The following MGST1 variants were observed in gnomAD, a reference collection of about 807,000 sequenced individuals.
The protein encoded by MGST1 is microsomal glutathione S-transferase 1.
Under a neutral mutation model 8.9 loss-of-function variants are expected in MGST1, and 5 were observed. That is an observed-to-expected ratio of 0.56 (90% CI 0.29 to 1.19). The LOEUF (loss-of-function observed/expected upper bound fraction) is 1.19, where lower values mean the gene tolerates loss of function less well. MGST1 is among the 50% of genes most tolerant of loss of function. The pLI is 0.08. For missense variants in MGST1, 182 were observed against 187.4 expected (o/e 0.97, Z 0.17); for synonymous variants, 54 against 67.8 (o/e 0.80, Z 1.00).
chr12:16,513,093 A>G lies in MGST1; in HGVS notation n.483-76435A>G, dbSNP rs1383989463. 1.3e-5 allele frequency among the ~76,000 whole-genome samples: 2 copies of G among 152,212 alleles called. No homozygotes were observed. Among genetic ancestry groups the G allele is most frequent in the East Asian group, 1.9e-4 (1 of 5,206 alleles). ...ATCTGCTTCTCTAGTTATCATTATC[A>G]AACAAATCATTCTTTCATGTGTATA... On this transcript the variant is annotated intron_variant and non_coding_transcript_variant, in intron 4 of 4. Coordinates refer to the MGST1 transcript ENST00000538857. The surrounding 1 kb of genome is among the most constrained non-coding windows in gnomAD (Gnocchi z 4.2).
chr12:16,577,102 C>T (rs151078022), intron 4 of MGST1, among the ~76,000 whole-genome samples: 1 of 152,238 alleles, frequency 6.6e-6, no homozygotes, highest in African/African-American at 2.4e-5. Flanking sequence ...TTAGCAGATG[C>T]AGAAAACTTG....
chr12:16,447,479 G>A (rs1361089587), intron 4 of MGST1, among the ~76,000 whole-genome samples: 2 of 151,878 alleles, frequency 1.3e-5, no homozygotes, highest in African/African-American at 4.8e-5. Context: ...TGCAAGAAGG[G>A]TAGCTGTGAA....
At chr12:16,563,066 G>T (rs977971054) in intron 4 of MGST1, among the ~76,000 whole-genome samples, 4 of 151,760 alleles carry the variant, frequency 2.6e-5, no homozygotes, top group African/African-American at 9.7e-5. Context: ...TCCCTGCCTC[G>T]CTGGAGGCTC....
At chr12:16,527,632 T>C (rs1455729211) in intron 4 of MGST1, among the ~76,000 whole-genome samples, 1 of 152,012 alleles carries the variant, frequency 6.6e-6, no homozygotes, top group Non-Finnish European at 1.5e-5. Context: ...TCTGAGGTTC[T>C]GGAATCTTCT....
intron 4 of MGST1, among the ~76,000 whole-genome samples, chr12:16,480,096 G>GA (rs1941354546): frequency 7.0e-6 from 1 of 143,192 alleles, no homozygotes; most frequent in East Asian, 2.0e-4. Context: ...AACCTTAAAA[G>GA]AAAAAATTGA....
At position 16,544,363 on chromosome 12, in the gene MGST1, C is replaced by T. The variant is rs1437735080; in HGVS notation, n.483-45165C>T. ...AAAAGGGGAAGAGTTAATGTTAATG[C>T]ATACAAAAGAGTTGTCATACAAAAG... On this transcript the variant is annotated intron_variant and non_coding_transcript_variant, in intron 4 of 4. Transcript: ENST00000538857. This position sits in a 1 kb window ranked among gnomAD's most constrained non-coding sequence, Gnocchi z 4.8. 3.3e-5 allele frequency among the ~76,000 whole-genome samples: 5 copies of T among 151,722 alleles called. No homozygotes were observed. Among genetic ancestry groups the T allele is most frequent in the Admixed American group, 2.0e-4 (3 of 15,218 alleles).
At chr12:16,348,776 T>C (rs886423952) in intron 1 of MGST1, 4 of 144,304 alleles carry the variant, frequency 2.8e-5, no homozygotes, top group African/African-American at 5.2e-5. Context: ...ATAAGAGGGC[T>C]ATGTGTGCGA....
chr12:16,560,326 T>C lies in MGST1; in HGVS notation n.483-29202T>C. On this transcript the variant is annotated intron_variant and non_coding_transcript_variant, in intron 4 of 4. Coordinates refer to the MGST1 transcript ENST00000538857. The surrounding 1 kb of genome is among the most constrained non-coding windows in gnomAD (Gnocchi z 5.0). ...AAACGCTGAGATTGATTGCTTTAAA[T>C]GTATGAATATAATTTCCACCTATTA... 1 of 1,392,222 alleles carries C rather than the reference T, an allele frequency of 7.2e-7. No individual in the cohort carries two copies. Among genetic ancestry groups the C allele is most frequent in the East Asian group, 2.4e-5 (1 of 42,492 alleles). The allele number at this position is 1,392,222 out of a possible 1,614,324, so 86.2% of individuals were successfully genotyped here. A position where few individuals can be genotyped will look rare whatever the true frequency, so the allele number is the denominator to read the frequency against.
chr12:16,442,999 T>C (rs112311638), downstream of MGST1, among the ~76,000 whole-genome samples: 1 of 151,864 alleles, frequency 6.6e-6, no homozygotes, highest in Admixed American at 6.6e-5. This position sits in a 1 kb window ranked among gnomAD's most constrained non-coding sequence, Gnocchi z 4.5. Flanking sequence ...TATGCCTGTC[T>C]TTATTAGTTT....
At chr12:16,483,578 C>T (rs1238834319) in intron 4 of MGST1, among the ~76,000 whole-genome samples, 1 of 151,862 alleles carries the variant, frequency 6.6e-6, no homozygotes, top group Non-Finnish European at 1.5e-5. Context: ...GAAATGAAGG[C>T]AAAATATATT....
At chr12:16,399,244 A>C in intron 1 of MGST1, 3 of 1,581,090 alleles carry the variant, frequency 1.9e-6, no homozygotes, top group Non-Finnish European at 2.6e-6. Flanking sequence ...TGGCTAGAGG[A>C]AGAAAGGAGC....
intron 4 of MGST1, among the ~76,000 whole-genome samples, chr12:16,498,165 A>G (rs1941482213): frequency 6.6e-6 from 1 of 152,108 alleles, no homozygotes. Context: ...TTGAGTTATC[A>G]TTATTTCACT....
chr12:16,454,870 AC>A (rs201614651), intron 4 of MGST1, among the ~76,000 whole-genome samples: 1,008 of 10,234 alleles, frequency 0.098, 138 homozygotes, highest in African/African-American at 0.15. Flanking sequence ...GTTTAAGTAG[AC>A]CAAAAAAAAA....
intron 4 of MGST1, among the ~76,000 whole-genome samples, chr12:16,526,870 T>C (rs1941689881): frequency 6.6e-6 from 1 of 151,984 alleles, no homozygotes; most frequent in African/African-American, 2.4e-5. Flanking sequence ...CTGCAGTAGT[T>C]GGTGTATCAT....
upstream of MGST1, among the ~76,000 whole-genome samples, chr12:16,382,615 G>A (rs192555722): frequency 4.4e-3 from 675 of 152,318 alleles, 6 homozygotes; most frequent in African/African-American, 0.016. Context: ...CAGTCTGCCC[G>A]TTCTCAGATC....
intron 1 of MGST1, among the ~76,000 whole-genome samples, chr12:16,387,538 T>G (rs1940514185): frequency 6.6e-6 from 1 of 151,858 alleles, no homozygotes; most frequent in Non-Finnish European, 1.5e-5. Context: ...CCATTTTTTT[T>G]TTTTTTGAGA....
At chr12:16,379,223 G>A (rs1386384909), downstream of MGST1, among the ~76,000 whole-genome samples, 1 of 152,136 alleles carries the variant, frequency 6.6e-6, no homozygotes. Flanking sequence ...CTTGTCTTGT[G>A]CCAGTTTTCA....
rs1391948788 is a variant in MGST1 at position 16,537,573 on chromosome 12, C to T, written n.483-51955C>T. Among the ~76,000 whole-genome samples, 1 of 152,240 alleles carries T rather than the reference C, an allele frequency of 6.6e-6. No individual in the cohort carries two copies. The highest frequency in any genetic ancestry group is 1.5e-5 in the Non-Finnish European group (1 of 68,038). On this transcript the variant is annotated intron_variant and non_coding_transcript_variant, in intron 4 of 4. Transcript: ENST00000538857. This position sits in a 1 kb window ranked among gnomAD's most constrained non-coding sequence, Gnocchi z 4.6. ...GCCCTGCCTCTGCAGCACACTTTTG[C>T]CTGGACATTCAGGCATTTCCATACA...
At chr12:16,462,555 C>CA (rs397972947) in intron 4 of MGST1, among the ~76,000 whole-genome samples, 9,282 of 151,380 alleles carry the variant, frequency 0.061, 667 homozygotes, top group African/African-American at 0.18. Flanking sequence ...TTTACCCCCC[C>CA]AAAAAAAACT....
Sources: gnomAD v4.1 joint callset for allele counts (sites outside exome capture counted in the v4.1 genomes callset) on GRCh38, gnomAD v4.1.1 for gene constraint, Gnocchi (gnomAD v3.1) non-coding constraint, MANE v1.5 for transcripts, NCBI Gene and HGNC (gene_info 2026-07-23, HGNC 2026-07-21) for gene names.